Variants in FGF13 observed in about 807,000 individuals in gnomAD.
The protein encoded by FGF13 is fibroblast growth factor homologous factor 2.
FGF13 carries 2 observed loss-of-function variants against 19.5 expected under a neutral mutation model. The ratio of observed to expected loss-of-function variants is 0.10; its 90% CI spans 0.04 to 0.32. The LOEUF is 0.32. Among genes scored for constraint, FGF13 ranks in the 10% least tolerant of loss-of-function variants. FGF13 has a pLI of 1.00. For synonymous variants in FGF13, 72 were observed against 76.9 expected, an observed-to-expected ratio of 0.94 and a Z score of 0.33; for missense variants, 113 against 192.7, an observed-to-expected ratio of 0.59 and a Z score of 2.45.
intron 3 of FGF13, among the ~76,000 whole-genome samples, chrX:138,648,143 A>G (rs941918110): frequency 1.8e-5 from 2 of 112,146 alleles, no homozygotes; most frequent in African/African-American, 3.2e-5. Flanking sequence ...TGGCTCTGAA[A>G]ATTTGCATGC....
At chrX:139,182,529 A>G (rs73243317) in intron 1 of FGF13, among the ~76,000 whole-genome samples, 4,171 of 112,010 alleles carry the variant, frequency 0.037, 85 homozygotes, top group Middle Eastern at 0.06. Flanking sequence ...GAATGACAGC[A>G]AGGCAGGAGA....
chrX:138,833,006 G>C (rs2091085436), intron 3 of FGF13, among the ~76,000 whole-genome samples: 2 of 111,560 alleles, frequency 1.8e-5, no homozygotes, highest in Admixed American at 9.5e-5. Context: ...TCTCTATTCT[G>C]TTCCATTGGT....
At chrX:139,037,388 A>T (rs1188750870) in intron 1 of FGF13, among the ~76,000 whole-genome samples, 1 of 111,129 alleles carries the variant, frequency 9.0e-6, no homozygotes, top group Non-Finnish European at 1.9e-5. Flanking sequence ...GTATAGAATT[A>T]GAAAGCTATT....
intron 1 of FGF13, among the ~76,000 whole-genome samples, chrX:139,096,211 A>C (rs1038425444): frequency 1.2e-4 from 13 of 112,089 alleles, no homozygotes; most frequent in African/African-American, 4.2e-4. Context: ...ATTAAAATAA[A>C]ACAACACAAT....
intron 1 of FGF13, among the ~76,000 whole-genome samples, chrX:138,953,141 C>T (rs369582170): frequency 2.0e-3 from 218 of 110,520 alleles, no homozygotes; most frequent in African/African-American, 6.8e-3. Context: ...ATGTTTATTG[C>T]GGCACTATTC....
At chrX:138,918,567 G>T (rs2091629656) in intron 1 of FGF13, among the ~76,000 whole-genome samples, 1 of 111,324 alleles carries the variant, frequency 9.0e-6, no homozygotes, top group Non-Finnish European at 1.9e-5. Flanking sequence ...TTTGATAAAG[G>T]GTCACTGATC....
chrX:138,966,349 G>A (rs976414304), intron 1 of FGF13, among the ~76,000 whole-genome samples: 3 of 112,281 alleles, frequency 2.7e-5, no homozygotes, highest in African/African-American at 9.7e-5. Context: ...GCTGTACCCT[G>A]CAAAGCCACA....
chrX:138,621,303 C>T lies in FGF13; in HGVS notation c.*11547G>A, dbSNP rs751652777. 9.0e-6 allele frequency: 1 copy of T among 111,315 alleles called. No individual in the cohort carries two copies. The highest frequency in any genetic ancestry group is 1.9e-5 in the Non-Finnish European group (1 of 52,985). The allele number at this position is 111,315 out of a possible 1,213,427, so 9.2% of individuals were successfully genotyped here. On this transcript the variant is annotated 3_prime_UTR_variant, in exon 5 of 5. Transcript: ENST00000315930. ...CTTTTCTGACCACAATGCTAAGAAACTGGAAATCAGTAAAGGGAGGAAAAC... is the reference window on the plus strand; with the variant it reads ...CTTTTCTGACCACAATGCTAAGAAATTGGAAATCAGTAAAGGGAGGAAAAC...
Position 138,627,376 on chromosome X carries a change from A to C in FGF13, c.*5474T>G, listed in dbSNP as rs777658300. The C allele has an allele frequency of 1.8e-5, 2 of 111,786 alleles. No individual in the cohort carries two copies. The highest frequency in any genetic ancestry group is 7.6e-4 in the South Asian group (2 of 2,645). 9.2% of individuals were successfully genotyped at this position (111,786 alleles called of 1,213,427 possible). A position where few individuals can be genotyped will look rare whatever the true frequency, so the allele number is the denominator to read the frequency against. ...TTATTAAGAGCGTACACATTATTAC[A>C]GTACAAAATATGTAGATATGCTAAC... On this transcript the variant is annotated 3_prime_UTR_variant, in exon 5 of 5. Transcript: ENST00000315930.
At chrX:139,057,630 G>A (rs760980143) in intron 1 of FGF13, among the ~76,000 whole-genome samples, 7 of 111,993 alleles carry the variant, frequency 6.3e-5, no homozygotes, top group African/African-American at 1.9e-4. Context: ...AGTAGAAAAA[G>A]CTGAAATCTC....
At chrX:138,915,573 T>A (rs1230156472) in intron 1 of FGF13, among the ~76,000 whole-genome samples, 1 of 111,812 alleles carries the variant, frequency 8.9e-6, no homozygotes, top group African/African-American at 3.3e-5. Context: ...TATTTATTGA[T>A]CCACTAAAGC....
intron 1 of FGF13, among the ~76,000 whole-genome samples, chrX:138,984,588 AAGGAGGAGGAGG>A (rs1162674246): frequency 8.7e-5 from 1 of 11,505 alleles, no homozygotes; most frequent in African/African-American, 2.8e-4. Flanking sequence ...GAAGAAGAAG[AAGGAGGAGGAGG>A]AGGAGGAGGA....
chrX:138,702,671 CTT>C (rs2089958716), intron 3 of FGF13, among the ~76,000 whole-genome samples: 1 of 111,855 alleles, frequency 8.9e-6, no homozygotes, highest in Non-Finnish European at 1.9e-5. Context: ...ATAGAAATGA[CTT>C]TGTTTCCCAC....
intron 1 of FGF13, among the ~76,000 whole-genome samples, chrX:138,733,203 T>C (rs1226346686): frequency 8.9e-6 from 1 of 111,968 alleles, no homozygotes; most frequent in African/African-American, 3.2e-5. Flanking sequence ...TTATTTTTAG[T>C]TGGATCTTTG....
chrX:139,000,531 A>T (rs927410304), intron 1 of FGF13, among the ~76,000 whole-genome samples: 2 of 111,887 alleles, frequency 1.8e-5, no homozygotes, highest in African/African-American at 6.5e-5. Context: ...AAGCATTCCT[A>T]TACACCAATA....
chrX:139,179,631 A>G (rs1381514841), intron 1 of FGF13, among the ~76,000 whole-genome samples: 1 of 112,488 alleles, frequency 8.9e-6, no homozygotes, highest in Admixed American at 9.4e-5. Context: ...GATGGGGAAT[A>G]TAACAGAAAC....
At chrX:138,707,059 A>AT (rs2089998836) in intron 2 of FGF13, among the ~76,000 whole-genome samples, 1 of 112,197 alleles carries the variant, frequency 8.9e-6, no homozygotes, top group African/African-American at 3.2e-5. Flanking sequence ...TCAGTCAGTT[A>AT]TAAGACAACC....
At chrX:138,727,279 A>C (rs1287865846) in intron 1 of FGF13, among the ~76,000 whole-genome samples, 1 of 110,357 alleles carries the variant, frequency 9.1e-6, no homozygotes, top group Non-Finnish European at 1.9e-5. Context: ...TAGCACCCCT[A>C]TCAATGAGGC....
At chrX:138,820,218 A>T in intron 3 of FGF13, among the ~76,000 whole-genome samples, 1 of 112,437 alleles carries the variant, frequency 8.9e-6, no homozygotes, top group East Asian at 2.8e-4. Flanking sequence ...AAATAGCAAG[A>T]ACCATTCCTG....
Sources: gnomAD v4.1 joint callset for allele counts (sites outside exome capture counted in the v4.1 genomes callset) on GRCh38, gnomAD v4.1.1 for gene constraint, MANE v1.5 for transcripts, NCBI Gene and HGNC (gene_info 2026-07-23, HGNC 2026-07-21) for gene names.